Variants in BATF observed in about 807,000 individuals in gnomAD.
The protein encoded by BATF is basic leucine zipper transcriptional factor ATF-like.
BATF carries 5 observed loss-of-function variants against 13.7 expected under a neutral mutation model. The ratio of observed to expected loss-of-function variants is 0.36; its 90% CI spans 0.19 to 0.77. BATF has a LOEUF of 0.77. Among genes scored for constraint, BATF ranks in the 30% least tolerant of loss-of-function variants. The pLI is 0.51. For missense variants in BATF, 124 were observed against 163.0 expected (o/e 0.76, Z 1.30); for synonymous variants, 72 against 67.5 (o/e 1.07, Z -0.33).
At chr14:75,540,331 T>C (rs985395021) in intron 2 of BATF, among the ~76,000 whole-genome samples, 1 of 152,106 alleles carries the variant, frequency 6.6e-6, no homozygotes, top group African/African-American at 2.4e-5. Context: ...AGTAGGGGAT[T>C]TCCCAGAATG....
Position 75,524,381 on chromosome 14 carries a change from G to A in BATF, c.64-703G>A, listed in dbSNP as rs573084351. 5.2e-4 allele frequency among the ~76,000 whole-genome samples: 79 copies of A among 152,342 alleles called. 1 individual carries two copies. The South Asian group carries it at 7.7e-3, about 15-fold the overall frequency. ...GAATGTCACAGTGGCTGAGCACAAC[G>A]GAAGGAAAGAGGAGGCAGATCTGGG... On this transcript the variant is annotated intron_variant, in intron 1 of 2. Coordinates refer to ENST00000286639, the MANE Select transcript of BATF (RefSeq NM_006399.5).
chr14:75,546,439 G>C (rs202120846), intron 2 of BATF, 23 bp from the exon 3 acceptor site: 17 of 1,612,822 alleles, frequency 1.1e-5, no homozygotes, highest in Non-Finnish European at 1.4e-5. Context: ...ACTAACCTCC[G>C]GTGCTGATCC....
At chr14:75,535,051 T>C (rs7161377) in intron 2 of BATF, among the ~76,000 whole-genome samples, 80,489 of 152,064 alleles carry the variant, frequency 0.53, 21,461 homozygotes, top group South Asian at 0.65. Context: ...GACAAAGTTA[T>C]GACAGAAAGC....
At chr14:75,544,063 C>G (rs1887945086) in intron 2 of BATF, among the ~76,000 whole-genome samples, 9 of 152,226 alleles carry the variant, frequency 5.9e-5, no homozygotes, top group Admixed American at 5.2e-4. Flanking sequence ...TGAGTTCATA[C>G]TATGTGCCAG....
rs765664765 is a variant in BATF, at chr14:75,546,599, GC to G, written c.312del (p.Glu105ArgfsTer?). On this transcript the variant is annotated frameshift_variant, in exon 3 of 3. Transcript: ENST00000286639. LOFTEE classifies it high-confidence loss of function. ...CSVLAASTPS[P>X]PEVVYSAHAF... Reference sequence around the variant, plus strand: ...CGGTGCTGGCCGCCAGCACGCCCTCGCCCCCCGAGGTGGTGTACAGCGCCCA... The same window carrying G: ...CGGTGCTGGCCGCCAGCACGCCCTCGCCCCCGAGGTGGTGTACAGCGCCCA... The G allele has an allele frequency of 1.2e-6, 2 of 1,613,798 alleles. No homozygotes were observed. The highest frequency in any genetic ancestry group is 1.7e-6 in the Non-Finnish European group (2 of 1,179,888).
chr14:75,532,003 C>T (rs1405195022), intron 2 of BATF, among the ~76,000 whole-genome samples: 1 of 152,126 alleles, frequency 6.6e-6, no homozygotes, highest in Non-Finnish European at 1.5e-5. Flanking sequence ...CTATGAATTT[C>T]TTTTAAGAAA....
intron 2 of BATF, among the ~76,000 whole-genome samples, chr14:75,538,497 T>C (rs1347799804): frequency 6.6e-6 from 1 of 152,148 alleles, no homozygotes; most frequent in Non-Finnish European, 1.5e-5. Flanking sequence ...TACCTGAATA[T>C]GTGGAGTGAG....
chr14:75,537,046 T>C (rs1297909761), intron 2 of BATF, among the ~76,000 whole-genome samples: 1 of 151,432 alleles, frequency 6.6e-6, no homozygotes, highest in African/African-American at 2.4e-5. Flanking sequence ...CACGTTCTTC[T>C]TTCTGGTTGC....
Position 75,546,548 on chromosome 14 carries a change from G to T in BATF, c.255G>T (p.Val85=). 1.9e-6 allele frequency: 3 copies of T among 1,614,112 alleles called. No homozygotes were observed. The highest frequency in any genetic ancestry group is 2.7e-5 in the African/African-American group (2 of 75,064). ...LTEELKYFTS[V]LNSHEPLCSV... is the part of the protein sequence containing the mutation. The stretch of plus-strand genomic sequence containing the variant: ...AGGAACTGAAGTACTTCACGTCGGT[G>T]CTGAACAGCCACGAGCCCCTGTGCT... The change falls in exon 3 of 3, where the codon GTG becomes GTT. Residue 85 remains valine (V), a synonymous_variant. Coordinates refer to ENST00000286639, the MANE Select transcript of BATF (RefSeq NM_006399.5).
intron 2 of BATF, among the ~76,000 whole-genome samples, chr14:75,528,602 G>A (rs1471080036): frequency 6.6e-6 from 1 of 152,154 alleles, no homozygotes; most frequent in Non-Finnish European, 1.5e-5. Flanking sequence ...CTTTTGTTGA[G>A]CATCTCACAC....
intron 2 of BATF, among the ~76,000 whole-genome samples, chr14:75,530,138 G>T (rs1384316235): frequency 1.3e-5 from 2 of 151,864 alleles, no homozygotes; most frequent in African/African-American, 2.4e-5. Context: ...GAAATAAGTG[G>T]CAAATAAATG....
intron 2 of BATF, among the ~76,000 whole-genome samples, chr14:75,535,544 GA>G (rs1231632805): frequency 6.6e-6 from 1 of 152,142 alleles, no homozygotes; most frequent in Non-Finnish European, 1.5e-5. Context: ...TAAAGAAACA[GA>G]AGAAAATGGC....
In BATF at chr14:75,522,636, C is replaced by A; in HGVS notation, c.-47C>A. On this transcript the variant is annotated 5_prime_UTR_variant, in exon 1 of 3. Coordinates refer to ENST00000286639, the MANE Select transcript of BATF (RefSeq NM_006399.5). Reference sequence around the variant, plus strand: ...GGGAGCCCAGCTGGTGACAAGAGAGCCCAGAGGTGCCTGGGGCTGAGTGTG... The same window carrying A: ...GGGAGCCCAGCTGGTGACAAGAGAGACCAGAGGTGCCTGGGGCTGAGTGTG... The A allele has an allele frequency of 1.2e-6, 2 of 1,611,728 alleles. No homozygotes were observed. The highest frequency in any genetic ancestry group is 1.7e-6 in the Non-Finnish European group (2 of 1,177,938).
chr14:75,531,502 G>A (rs1454346042), intron 2 of BATF, among the ~76,000 whole-genome samples: 1 of 152,208 alleles, frequency 6.6e-6, no homozygotes, highest in Non-Finnish European at 1.5e-5. Flanking sequence ...GCAAGTGAGA[G>A]TAACAGCCAA....
At chr14:75,545,363 A>T (rs1031721329) in intron 2 of BATF, among the ~76,000 whole-genome samples, 2 of 148,258 alleles carry the variant, frequency 1.3e-5, no homozygotes, top group Admixed American at 6.7e-5. Flanking sequence ...CTGGGATTAC[A>T]GGTGTGCACC....
At chr14:75,529,787 C>G (rs982153889) in intron 2 of BATF, among the ~76,000 whole-genome samples, 1 of 151,866 alleles carries the variant, frequency 6.6e-6, no homozygotes, top group African/African-American at 2.4e-5. Context: ...AACAATGGGC[C>G]GGGCGCGGCG....
At chr14:75,537,076 A>G (rs973168305) in intron 2 of BATF, among the ~76,000 whole-genome samples, 1 of 152,232 alleles carries the variant, frequency 6.6e-6, no homozygotes, top group Non-Finnish European at 1.5e-5. Context: ...CTTTAAGGAT[A>G]TCAGTAGTTT....
intron 2 of BATF, among the ~76,000 whole-genome samples, 168 bp downstream of exon 2, chr14:75,525,356 G>T (rs1267872501): frequency 6.6e-6 from 1 of 151,912 alleles, no homozygotes; most frequent in Non-Finnish European, 1.5e-5. Context: ...AAGCTGTCGT[G>T]AGAGTGCTTT....
At chr14:75,529,372 G>A (rs557070016) in intron 2 of BATF, among the ~76,000 whole-genome samples, 2 of 152,246 alleles carry the variant, frequency 1.3e-5, no homozygotes, top group African/African-American at 2.4e-5. Context: ...GGTGGCTCAC[G>A]CTTGTAATCC....
Sources: gnomAD v4.1 joint callset for allele counts (sites outside exome capture counted in the v4.1 genomes callset) on GRCh38, gnomAD v4.1.1 for gene constraint, MANE v1.5 for transcripts, NCBI Gene and HGNC (gene_info 2026-07-23, HGNC 2026-07-21) for gene names.